Variants in TULP4 observed in about 807,000 individuals in gnomAD.
TULP4 encodes the protein tubby-related protein 4.
Under a neutral mutation model 129.0 loss-of-function variants are expected in TULP4, and 16 were observed. The observed-to-expected ratio is 0.12, with a 90% CI of 0.08 to 0.19. TULP4 has a LOEUF of 0.19. TULP4 is among the 10% of genes least tolerant of loss of function. The pLI, the probability that TULP4 is intolerant of heterozygous loss-of-function variation, is 1.00. For missense variants in TULP4, 1,842 were observed against 2,059.1 expected, an observed-to-expected ratio of 0.89 and a Z score of 2.04; for synonymous variants, 998 against 854.0, an observed-to-expected ratio of 1.17 and a Z score of -2.94.
At chr6:158,468,519 T>C (rs760172362) in intron 6 of TULP4, among the ~76,000 whole-genome samples, 3 of 152,226 alleles carry the variant, frequency 2.0e-5, no homozygotes, top group Non-Finnish European at 4.4e-5. Flanking sequence ...TTGGTTTCTT[T>C]AGCCACTGGC....
At chr6:158,451,308 A>G (rs1370063590) in intron 4 of TULP4, among the ~76,000 whole-genome samples, 1 of 151,752 alleles carries the variant, frequency 6.6e-6, no homozygotes, top group Non-Finnish European at 1.5e-5. Flanking sequence ...AGGTCGGTAT[A>G]GTGCAGTGTC....
chr6:158,268,940 T>A (rs575985209), intron 1 of TULP4, among the ~76,000 whole-genome samples: 2 of 152,370 alleles, frequency 1.3e-5, no homozygotes, highest in African/African-American at 4.8e-5. Context: ...TTAGTCACTT[T>A]CTGCATATTG....
At chr6:158,240,448 C>T (rs1583666203) in intron 1 of TULP4, among the ~76,000 whole-genome samples, 1 of 81,496 alleles carries the variant, frequency 1.2e-5, no homozygotes, top group South Asian at 4.2e-4. Context: ...ACCTCCCAGA[C>T]GGGGCGGCTG....
intron 1 of TULP4, chr6:158,238,005 A>C (rs1777753151): frequency 1.4e-6 from 1 of 717,702 alleles, no homozygotes; most frequent in Non-Finnish European, 2.6e-6. Flanking sequence ...ACAAATGAGC[A>C]GGAGATTTGA....
chr6:158,439,933 G>A (rs937890706), intron 3 of TULP4, among the ~76,000 whole-genome samples: 3 of 151,068 alleles, frequency 2.0e-5, no homozygotes, highest in African/African-American at 2.4e-5. Context: ...GGATGGTCTC[G>A]ATCTCCTGAC....
chr6:158,446,644 G>C (rs1779049218), intron 3 of TULP4, among the ~76,000 whole-genome samples: 1 of 152,136 alleles, frequency 6.6e-6, no homozygotes, highest in Admixed American at 6.5e-5. Context: ...GTCTCAGCTT[G>C]GGCTGCTATA....
chr6:158,303,565 A>G (rs1779164256), intron 1 of TULP4, among the ~76,000 whole-genome samples: 1 of 152,122 alleles, frequency 6.6e-6, no homozygotes, highest in Non-Finnish European at 1.5e-5. Flanking sequence ...TAAGGGTCCA[A>G]CAAAGATCAC....
At chr6:158,299,308 G>A (rs1222647334) in intron 1 of TULP4, among the ~76,000 whole-genome samples, 1 of 152,012 alleles carries the variant, frequency 6.6e-6, no homozygotes, top group Non-Finnish European at 1.5e-5. Context: ...TAGCCCTTTG[G>A]TGCCCAGTCT....
rs991741111 is a variant in TULP4, at chr6:158,413,406, C to A, written c.381+213C>A. Reference sequence around the variant, plus strand: ...GGATCATGCCCCCTTTTCAACCATGCTGCTGTTGTGAGAACTCTCCAACTT... The same window carrying A: ...GGATCATGCCCCCTTTTCAACCATGATGCTGTTGTGAGAACTCTCCAACTT... On this transcript the variant is annotated intron_variant, in intron 2 of 13. Transcript: ENST00000367097. The surrounding 1 kb of genome is among the most constrained non-coding windows in gnomAD (Gnocchi z 4.9). Among the ~76,000 whole-genome samples the A allele has an allele frequency of 3.9e-5, 6 of 152,244 alleles. No individual in the cohort carries two copies. Among genetic ancestry groups the A allele is most frequent in the African/African-American group, 1.4e-4 (6 of 41,468 alleles).
At chr6:158,368,306 C>T (rs940541413) in intron 1 of TULP4, among the ~76,000 whole-genome samples, 3 of 151,932 alleles carry the variant, frequency 2.0e-5, no homozygotes, top group South Asian at 4.1e-4. Flanking sequence ...ATTTTAACTT[C>T]ATTTATTTAT....
chr6:158,253,930 C>T (rs1017354616), intron 1 of TULP4, among the ~76,000 whole-genome samples: 6 of 151,948 alleles, frequency 3.9e-5, no homozygotes, highest in East Asian at 1.9e-4. Flanking sequence ...CAGAGCTACT[C>T]GGAAGGCTGA....
At chr6:158,281,169 G>A (rs1778743762), upstream of TULP4, among the ~76,000 whole-genome samples, 1 of 150,942 alleles carries the variant, frequency 6.6e-6, no homozygotes. Context: ...TGGTATCTCA[G>A]CGAGGTAATT....
intron 3 of TULP4, among the ~76,000 whole-genome samples, chr6:158,434,702 A>G (rs935078932): frequency 1.3e-5 from 2 of 152,218 alleles, no homozygotes; most frequent in African/African-American, 4.8e-5. Context: ...AGAGAATGCA[A>G]TGAGAACCTG....
chr6:158,451,088 G>A lies in TULP4; in HGVS notation c.725-1046G>A, dbSNP rs535791540. On this transcript the variant is annotated intron_variant, in intron 4 of 13. Transcript: ENST00000367097. ...TCAAAAAAAGAAAAAGGAAAAAACAGAAAAGAAAAGAAAGGAAAAAAAAAC... is the reference window on the plus strand; with the variant it reads ...TCAAAAAAAGAAAAAGGAAAAAACAAAAAAGAAAAGAAAGGAAAAAAAAAC... 2.8e-3 allele frequency among the ~76,000 whole-genome samples: 424 copies of A among 151,650 alleles called. 1 individual carries two copies. The highest frequency in any genetic ancestry group is 6.0e-3 in the Admixed American group (91 of 15,184).
At position 158,494,997 on chromosome 6, in the gene TULP4, T is replaced by C. The variant is rs1780299974; in HGVS notation, c.1870+151T>C. 4 of 608,842 alleles carry C rather than the reference T, an allele frequency of 6.6e-6. No individual in the cohort carries two copies. In the Admixed American group the frequency reaches 1.1e-4, roughly 16 times the overall value. 37.7% of individuals were successfully genotyped at this position (608,842 alleles called of 1,614,324 possible). A position where few individuals can be genotyped will look rare whatever the true frequency, so the allele number is the denominator to read the frequency against. ...CCTCTAAACCTTAACTTCACCACAG[T>C]GATTTCACAAAAATTAGAATTCTCA... On this transcript the variant is annotated intron_variant, in intron 11 of 13. Coordinates refer to ENST00000367097, the MANE Select transcript of TULP4 (RefSeq NM_020245.5).
intron 1 of TULP4, among the ~76,000 whole-genome samples, chr6:158,334,025 C>T (rs1305419717): frequency 3.3e-5 from 5 of 152,088 alleles, no homozygotes; most frequent in African/African-American, 9.7e-5. Flanking sequence ...CGCGAGTATC[C>T]GCTTAAAATA....
At position 158,350,253 on chromosome 6, in the gene TULP4, G is replaced by A. The variant is rs6928473; in HGVS notation, c.252+35985G>A. On this transcript the variant is annotated intron_variant, in intron 1 of 13. Coordinates refer to ENST00000367097, the MANE Select transcript of TULP4 (RefSeq NM_020245.5). ...TCTTCACTTCCCAGACGGGGCGGCC[G>A]GGCAGAGGGGCTCCTCACATCCCAG... 5.2e-3 allele frequency among the ~76,000 whole-genome samples: 26 copies of A among 5,044 alleles called. 1 individual carries two copies. Among genetic ancestry groups the A allele is most frequent in the Non-Finnish European group, 0.015 (19 of 1,262 alleles). The allele number at this position is 5,044 out of a possible 152,430, so 3.3% of individuals were successfully genotyped here.
intron 1 of TULP4, among the ~76,000 whole-genome samples, chr6:158,314,635 A>G (rs372301666): frequency 6.6e-6 from 1 of 152,322 alleles, no homozygotes; most frequent in Admixed American, 6.5e-5. Flanking sequence ...CCAAGTCTAC[A>G]TGGCAAAGAG....
At chr6:158,408,924 A>G (rs950965544) in intron 1 of TULP4, among the ~76,000 whole-genome samples, 1 of 152,248 alleles carries the variant, frequency 6.6e-6, no homozygotes, top group African/African-American at 2.4e-5. Context: ...GGTGATAATC[A>G]CAGGGATTTC....
Sources: gnomAD v4.1 joint callset for allele counts (sites outside exome capture counted in the v4.1 genomes callset) on GRCh38, gnomAD v4.1.1 for gene constraint, Gnocchi (gnomAD v3.1) non-coding constraint, MANE v1.5 for transcripts, NCBI Gene and HGNC (gene_info 2026-07-23, HGNC 2026-07-21) for gene names.